The following CDIN1 variants were observed in gnomAD, a reference collection of about 807,000 sequenced individuals.
CDIN1 encodes the protein CDAN1 interacting nuclease 1.
A neutral mutation model predicts 45.3 loss-of-function variants in CDIN1; 33 were observed. The ratio of observed to expected loss-of-function variants is 0.73; its 90% CI spans 0.55 to 0.97. The LOEUF (loss-of-function observed/expected upper bound fraction) is 0.97. CDIN1 is among the 50% of genes least tolerant of loss of function. The probability of loss-of-function intolerance (pLI) is 0.00; values close to 1 mark genes in which losing one functional copy is unlikely to be tolerated. For missense variants in CDIN1, 303 were observed against 339.4 expected (o/e 0.89, Z 0.84); for synonymous variants, 118 against 124.4 (o/e 0.95, Z 0.34).
intron 10 of CDIN1, 103 bp from the exon 11 acceptor site, chr15:36,808,221 G>A (rs960291852): frequency 4.0e-6 from 6 of 1,507,278 alleles, no homozygotes; most frequent in Non-Finnish European, 5.4e-6. Flanking sequence ...CAAAAATTTT[G>A]TGCAGTCCTG....
At chr15:36,799,711 GGA>G (rs1251577042) in intron 10 of CDIN1, 3 of 152,280 alleles carry the variant, frequency 2.0e-5, no homozygotes, top group Admixed American at 2.0e-4. Flanking sequence ...AGCAATTTAT[GGA>G]GAGGAGCTTT....
intron 8 of CDIN1, among the ~76,000 whole-genome samples, chr15:36,699,422 C>A (rs745780304): frequency 2.6e-5 from 4 of 152,114 alleles, no homozygotes; most frequent in Non-Finnish European, 5.9e-5. Flanking sequence ...GACCACTAAT[C>A]TTAGTCTTTC....
intron 8 of CDIN1, 71 bp downstream of exon 8, chr15:36,697,461 T>C: frequency 7.9e-7 from 1 of 1,260,516 alleles, no homozygotes; most frequent in Non-Finnish European, 1.1e-6. Context: ...TTTAAAAATC[T>C]TCCACTAAAG....
intron 10 of CDIN1, among the ~76,000 whole-genome samples, chr15:36,727,606 T>C (rs537520761): frequency 1.3e-5 from 2 of 152,326 alleles, no homozygotes; most frequent in South Asian, 4.1e-4. Flanking sequence ...ATCTAATAAT[T>C]GAGTTATCTA....
chr15:36,650,309 A>T (rs1027032358), intron 3 of CDIN1, among the ~76,000 whole-genome samples: 14 of 152,218 alleles, frequency 9.2e-5, no homozygotes, highest in African/African-American at 3.4e-4. Context: ...AAGAATAGAG[A>T]TATTTTCAAA....
intron 10 of CDIN1, among the ~76,000 whole-genome samples, chr15:36,759,804 G>A (rs1350920225): frequency 6.6e-6 from 1 of 152,138 alleles, no homozygotes; most frequent in Non-Finnish European, 1.5e-5. Flanking sequence ...TCTTCACATG[G>A]CAGCAGGAGA....
At chr15:36,630,900 A>G (rs979206500) in intron 1 of CDIN1, among the ~76,000 whole-genome samples, 1 of 152,188 alleles carries the variant, frequency 6.6e-6, no homozygotes, top group African/African-American at 2.4e-5. Context: ...ATAGAGCAAG[A>G]GCTCATTAAT....
intron 1 of CDIN1, chr15:36,627,890 C>T (rs928468692): frequency 3.3e-5 from 5 of 151,978 alleles, no homozygotes; most frequent in African/African-American, 1.2e-4. Context: ...CCCACATGCC[C>T]AGTGACTCCT....
At chr15:36,736,197 T>C (rs765724308) in intron 10 of CDIN1, among the ~76,000 whole-genome samples, 2 of 152,134 alleles carry the variant, frequency 1.3e-5, no homozygotes, top group Non-Finnish European at 2.9e-5. Context: ...CCCCCATTTC[T>C]CTCTCTGTTT....
intron 1 of CDIN1, among the ~76,000 whole-genome samples, chr15:36,637,894 A>G (rs1246456041): frequency 6.6e-6 from 1 of 152,182 alleles, no homozygotes; most frequent in Non-Finnish European, 1.5e-5. Context: ...CCTAAGGGAC[A>G]TATTTGGGTG....
chr15:36,803,487 C>T lies in CDIN1; in HGVS notation c.717-4837C>T, dbSNP rs191436681. On this transcript the variant is annotated intron_variant, in intron 10 of 10. Coordinates refer to ENST00000566621, the MANE Select transcript of CDIN1 (RefSeq NM_001321759.2). The stretch of plus-strand genomic sequence containing the variant: ...ATATGCAGGATTTTGTGTAAACATT[C>T]CCAATTTGTATGCATTGGTTCAATT... Among the ~76,000 whole-genome samples, 260 of 152,122 alleles carry T rather than the reference C, an allele frequency of 1.7e-3. 2 individuals carry two copies. The highest frequency in any genetic ancestry group is 6.0e-3 in the African/African-American group (248 of 41,524).
At chr15:36,732,682 T>C (rs1013849905) in intron 10 of CDIN1, among the ~76,000 whole-genome samples, 13 of 152,202 alleles carry the variant, frequency 8.5e-5, no homozygotes, top group African/African-American at 3.1e-4. Flanking sequence ...GATGGATATC[T>C]GAGGTGAGGG....
intron 10 of CDIN1, among the ~76,000 whole-genome samples, chr15:36,757,782 A>G (rs1901724): frequency 0.15 from 23,318 of 152,044 alleles, 2,087 homozygotes; most frequent in African/African-American, 0.24. Context: ...GGAGAGCAGT[A>G]GTAGCCTAAT....
intron 8 of CDIN1, chr15:36,706,379 G>A (rs997241473): frequency 2.0e-5 from 3 of 152,128 alleles, no homozygotes; most frequent in African/African-American, 7.2e-5. Context: ...TTGGGAGGCC[G>A]AGGCAGGCAG....
intron 1 of CDIN1, among the ~76,000 whole-genome samples, chr15:36,620,545 A>G (rs1226623094): frequency 3.9e-5 from 6 of 152,136 alleles, no homozygotes; most frequent in African/African-American, 1.4e-4. Context: ...AAAATAACCA[A>G]CTACTTACTG....
intron 5 of CDIN1, among the ~76,000 whole-genome samples, chr15:36,671,486 C>CT (rs199593876): frequency 2.2e-3 from 334 of 151,120 alleles, no homozygotes; most frequent in Non-Finnish European, 3.7e-3. Context: ...GTGTGTTTCT[C>CT]TTTTTTTTTG....
intron 2 of CDIN1, 49 bp downstream of exon 2, chr15:36,644,372 A>G (rs1324231148): frequency 3.2e-6 from 5 of 1,552,326 alleles, no homozygotes; most frequent in Non-Finnish European, 4.4e-6. Flanking sequence ...TAATTGAATG[A>G]TGAATGTCCC....
At chr15:36,697,280 G>A (rs771008872) in intron 7 of CDIN1, 43 bp from the exon 8 acceptor site, 13 of 1,557,706 alleles carry the variant, frequency 8.3e-6, no homozygotes, top group Admixed American at 1.7e-5. Flanking sequence ...TTTCCTGCTG[G>A]TATAATTCTG....
intron 1 of CDIN1, chr15:36,617,226 A>T (rs749850327): frequency 2.3e-6 from 2 of 875,946 alleles, no homozygotes; most frequent in Non-Finnish European, 4.0e-6. Flanking sequence ...GGCATGAAAC[A>T]GCAGCCACAT....
Sources: gnomAD v4.1 joint callset for allele counts (sites outside exome capture counted in the v4.1 genomes callset) on GRCh38, gnomAD v4.1.1 for gene constraint, MANE v1.5 for transcripts, NCBI Gene and HGNC (gene_info 2026-07-23, HGNC 2026-07-21) for gene names.